ZBTB41: variants seen among roughly 807,000 people sequenced by gnomAD.
ZBTB41 encodes the protein zinc finger and BTB domain-containing protein 41.
In ZBTB41, 42 loss-of-function variants were observed where a neutral mutation model predicts 87.6. The ratio of observed to expected loss-of-function variants is 0.48; its 90% CI spans 0.37 to 0.62. The LOEUF (loss-of-function observed/expected upper bound fraction) is 0.62, where lower values mean the gene tolerates loss of function less well. Among genes scored for constraint, ZBTB41 ranks in the 20% least tolerant of loss-of-function variants. The probability of loss-of-function intolerance (pLI) is 0.00; values close to 1 mark genes in which losing one functional copy is unlikely to be tolerated. For synonymous variants in ZBTB41, 364 were observed against 364.0 expected, an observed-to-expected ratio of 1.00 and a Z score of 0.00; for missense variants, 799 against 1,078.9, an observed-to-expected ratio of 0.74 and a Z score of 3.63.
rs1407618604 is a variant in ZBTB41 at position 197,178,695 on chromosome 1, T to A, written c.1677-183A>T. On this transcript the variant is annotated intron_variant, in intron 6 of 10. Transcript: ENST00000367405. ...TACAAACATGCTTGTTATAGCTCTC[T>A]CTCCTTAAAAACAAAAAATACTTCG... Among the ~76,000 whole-genome samples the A allele has an allele frequency of 2.0e-5, 3 of 152,096 alleles. No homozygotes were observed. In the East Asian group the frequency reaches 5.8e-4, roughly 29 times the overall value.
chr1:197,184,166 A>C (rs2125134287), intron 5 of ZBTB41, among the ~76,000 whole-genome samples: 1 of 152,334 alleles, frequency 6.6e-6, no homozygotes, highest in South Asian at 2.1e-4. Flanking sequence ...TTCTCCCATG[A>C]AACAGAATCA....
chr1:197,189,434 A>G lies in ZBTB41; in HGVS notation c.1399-995T>C, dbSNP rs557282236. On this transcript the variant is annotated intron_variant, in intron 4 of 10. Coordinates refer to ENST00000367405, the MANE Select transcript of ZBTB41 (RefSeq NM_194314.3). ...CCAGCTACTCGGGAGGCTGAGGCACAAGAATCACTTGAACCCAGGAGGAGG... is the reference window on the plus strand; with the variant it reads ...CCAGCTACTCGGGAGGCTGAGGCACGAGAATCACTTGAACCCAGGAGGAGG... Among the ~76,000 whole-genome samples, 5 of 152,036 alleles carry G rather than the reference A, an allele frequency of 3.3e-5. No individual in the cohort carries two copies. The South Asian group carries it at 1.0e-3, about 32-fold the overall frequency.
At chr1:197,164,179 ATTATT>A (rs1275415703) in intron 10 of ZBTB41, among the ~76,000 whole-genome samples, 2 of 152,096 alleles carry the variant, frequency 1.3e-5, no homozygotes, top group African/African-American at 2.4e-5. Flanking sequence ...AATAATTTCA[ATTATT>A]TTATTTATCT....
rs779120617 is a variant in ZBTB41, at chr1:197,199,391, C to T, written c.1083G>A (p.Leu361=). Residue 361 remains leucine (L), a synonymous_variant, in exon 2 of 11, where the codon TTG becomes TTA. Transcript: ENST00000367405. ...ATGTTTTATCACATTTAGGACACTGCAATATTTTTTTGTTGCTGTTCTGAA... is the reference window on the plus strand; with the variant it reads ...ATGTTTTATCACATTTAGGACACTGTAATATTTTTTTGTTGCTGTTCTGAA... ...VVIQNSNKKI[L]QCPKCDKTFD... is the part of the protein sequence containing the mutation. 1 of 1,582,584 alleles carries T rather than the reference C, an allele frequency of 6.3e-7. No individual in the cohort carries two copies. The highest frequency in any genetic ancestry group is 2.2e-5 in the East Asian group (1 of 44,792).
chr1:197,186,662 G>C (rs1442983277), intron 5 of ZBTB41, among the ~76,000 whole-genome samples: 1 of 152,116 alleles, frequency 6.6e-6, no homozygotes, highest in Non-Finnish European at 1.5e-5. Flanking sequence ...AGGAGTTCAA[G>C]ACCAGCCTGA....
Position 197,155,725 on chromosome 1 carries a change from G to A in ZBTB41, c.*3634C>T, listed in dbSNP as rs925178930. On this transcript the variant is annotated 3_prime_UTR_variant, in exon 11 of 11. Transcript: ENST00000367405. ...TTAAGGTTGATAGAAAATTATTAGT[G>A]TACCTATTTCATGACCTGCCATCGC... 3.9e-5 allele frequency: 6 copies of A among 152,270 alleles called. No homozygotes were observed. Among genetic ancestry groups the A allele is most frequent in the Non-Finnish European group, 8.9e-5 (6 of 67,792 alleles). 9.4% of individuals were successfully genotyped at this position (152,270 alleles called of 1,614,324 possible).
At chr1:197,164,096 A>T (rs1473925817) in intron 10 of ZBTB41, among the ~76,000 whole-genome samples, 3 of 152,122 alleles carry the variant, frequency 2.0e-5, no homozygotes, top group Non-Finnish European at 4.4e-5. Flanking sequence ...TGAAGAATTT[A>T]AATACATACA....
At chr1:197,180,908 T>G in intron 6 of ZBTB41, 80 bp downstream of exon 6, 3 of 1,454,222 alleles carry the variant, frequency 2.1e-6, no homozygotes, top group Non-Finnish European at 2.7e-6. Flanking sequence ...TATGTTACCC[T>G]AATTCCTATA....
chr1:197,179,383 C>A (rs1176635102), intron 6 of ZBTB41, among the ~76,000 whole-genome samples: 1 of 152,064 alleles, frequency 6.6e-6, no homozygotes, highest in African/African-American at 2.4e-5. Context: ...GACAAACATA[C>A]TACATTGCCA....
At chr1:197,186,873 A>C (rs1659898816) in intron 5 of ZBTB41, among the ~76,000 whole-genome samples, 2 of 152,076 alleles carry the variant, frequency 1.3e-5, no homozygotes, top group African/African-American at 4.8e-5. Flanking sequence ...CAAAAAAACA[A>C]ACAAAAAAAC....
chr1:197,191,600 G>A, intron 3 of ZBTB41, 92 bp downstream of exon 3: 1 of 987,544 alleles, frequency 1.0e-6, no homozygotes, highest in Non-Finnish European at 1.4e-6. Context: ...TGAAAGAATT[G>A]GAGATAAGCA....
chr1:197,195,029 A>G (rs1017112587), intron 2 of ZBTB41, among the ~76,000 whole-genome samples: 1 of 152,056 alleles, frequency 6.6e-6, no homozygotes, highest in African/African-American at 2.4e-5. Context: ...GGGGGAGGGC[A>G]CTCCTCAGCA....
In ZBTB41 at chr1:197,155,747, T is replaced by G. The variant is rs1389713529; in HGVS notation, c.*3612A>C. On this transcript the variant is annotated 3_prime_UTR_variant, in exon 11 of 11. Coordinates refer to ENST00000367405, the MANE Select transcript of ZBTB41 (RefSeq NM_194314.3). Reference sequence around the variant, plus strand: ...AGTGTACCTATTTCATGACCTGCCATCGCCTAAAAGGAAGTCACCTAATAA... The same window carrying G: ...AGTGTACCTATTTCATGACCTGCCAGCGCCTAAAAGGAAGTCACCTAATAA... The G allele has an allele frequency of 6.6e-6, 1 of 152,354 alleles. No homozygotes were observed. Among genetic ancestry groups the G allele is most frequent in the African/African-American group, 2.4e-5 (1 of 41,416 alleles). 9.4% of individuals were successfully genotyped at this position (152,354 alleles called of 1,614,324 possible). A position where few individuals can be genotyped will look rare whatever the true frequency, so the allele number is the denominator to read the frequency against.
At chr1:197,162,643 G>A (rs535578154) in intron 10 of ZBTB41, among the ~76,000 whole-genome samples, 1 of 152,082 alleles carries the variant, frequency 6.6e-6, no homozygotes, top group Non-Finnish European at 1.5e-5. Flanking sequence ...AAAGATAAAA[G>A]ATTTTTAAAA....
In ZBTB41 at chr1:197,159,604, T is replaced by C. The variant is rs1479870375; in HGVS notation, c.2485A>G (p.Thr829Ala). 1 of 1,613,962 alleles carries C rather than the reference T, an allele frequency of 6.2e-7. No homozygotes were observed. Among genetic ancestry groups the C allele is most frequent in the East Asian group, 2.2e-5 (1 of 44,886 alleles). The change falls in exon 11 of 11, where the codon ACC becomes GCC. Residue 829 changes from threonine (T) to alanine (A), a missense_variant. Around this residue, in one of 5 missense-constraint regions of ZBTB41, gnomAD observed 171 missense variants for 191.9 expected, o/e 0.89. Coordinates refer to ENST00000367405, the MANE Select transcript of ZBTB41 (RefSeq NM_194314.3). Reference sequence around the variant, plus strand: ...TCATGAGAAGATGGTGGGAGTGTGGTAGTATGACGCACTAGGTCACTCGGA... The same window carrying C: ...TCATGAGAAGATGGTGGGAGTGTGGCAGTATGACGCACTAGGTCACTCGGA... ...DTPSDLVRHT[T>A]TLPPSSHEIL... is the part of the protein sequence containing the mutation.
chr1:197,170,538 A>G (rs1659453505), intron 10 of ZBTB41, among the ~76,000 whole-genome samples: 1 of 152,128 alleles, frequency 6.6e-6, no homozygotes, highest in African/African-American at 2.4e-5. Flanking sequence ...TTTACTGTGA[A>G]GAATTACTCA....
At chr1:197,198,883 A>C (rs1660229647) in intron 2 of ZBTB41, among the ~76,000 whole-genome samples, 1 of 152,154 alleles carries the variant, frequency 6.6e-6, no homozygotes, top group South Asian at 2.1e-4. Flanking sequence ...ATAGTTTAAT[A>C]TAAAACATCC....
chr1:197,194,779 T>A (rs970026164), intron 2 of ZBTB41, among the ~76,000 whole-genome samples: 9 of 152,066 alleles, frequency 5.9e-5, no homozygotes, highest in Non-Finnish European at 5.9e-5. Flanking sequence ...GTAAAATAAT[T>A]TTTTAGTTAT....
Position 197,158,747 on chromosome 1 carries a change from C to T in ZBTB41, c.*612G>A, listed in dbSNP as rs908726566. ...GTCCTACAAATAATAGCTAATCTTA[C>T]ATTAGTTAAGCTTTCTGGCTTTGAG... On this transcript the variant is annotated 3_prime_UTR_variant, in exon 11 of 11. Transcript: ENST00000367405. The T allele has an allele frequency of 1.3e-5, 2 of 152,054 alleles. No homozygotes were observed. Among genetic ancestry groups the T allele is most frequent in the Non-Finnish European group, 2.9e-5 (2 of 67,998 alleles). The allele number at this position is 152,054 out of a possible 1,614,324, so 9.4% of individuals were successfully genotyped here.
Sources: gnomAD v4.1 joint callset for allele counts (sites outside exome capture counted in the v4.1 genomes callset) on GRCh38, gnomAD v4.1.1 for gene constraint, gnomAD v4.1.1 regional missense constraint, MANE v1.5 for transcripts, NCBI Gene and HGNC (gene_info 2026-07-23, HGNC 2026-07-21) for gene names.